The following RABGEF1 variants were observed in gnomAD, a reference collection of about 807,000 sequenced individuals.
RABGEF1 encodes RAB guanine nucleotide exchange factor 1, also known as rab5 GDP/GTP exchange factor.
RABGEF1 carries 26 observed loss-of-function variants against 57.3 expected under a neutral mutation model. That is an observed-to-expected ratio of 0.45 (90% confidence interval 0.33 to 0.63). The LOEUF is 0.63. Among genes scored for constraint, RABGEF1 ranks in the 20% least tolerant of loss-of-function variants. The pLI is 0.02. For synonymous variants in RABGEF1, 185 were observed against 210.7 expected (o/e 0.88, Z 1.06); for missense variants, 464 against 607.6 (o/e 0.76, Z 2.48).
At chr7:66,685,687 C>A (rs939693122) in intron 1 of RABGEF1, among the ~76,000 whole-genome samples, 1 of 152,116 alleles carries the variant, frequency 6.6e-6, no homozygotes, top group South Asian at 2.1e-4. Context: ...TCATTGATTT[C>A]TTTGATTTTT....
chr7:66,711,524 G>A (rs1794777717), intron 1 of RABGEF1, among the ~76,000 whole-genome samples: 1 of 151,272 alleles, frequency 6.6e-6, no homozygotes, highest in South Asian at 2.1e-4. Flanking sequence ...CCATTGAAAT[G>A]TCTTTGCAGT....
intron 3 of RABGEF1, 25 bp downstream of exon 3, chr7:66,775,418 T>A (rs768215007): frequency 6.2e-7 from 1 of 1,609,996 alleles, no homozygotes; most frequent in Admixed American, 1.7e-5. Flanking sequence ...CTCTTTTTTT[T>A]CTTCTCTGCC....
At chr7:66,748,137 C>T (rs1800654665) in intron 1 of RABGEF1, among the ~76,000 whole-genome samples, 1 of 152,162 alleles carries the variant, frequency 6.6e-6, no homozygotes, top group Admixed American at 6.5e-5. Flanking sequence ...GACTTTCCAG[C>T]ATGCGTTTCA....
At chr7:66,758,994 T>C (rs1803514162) in intron 1 of RABGEF1, among the ~76,000 whole-genome samples, 1 of 152,260 alleles carries the variant, frequency 6.6e-6, no homozygotes, top group Non-Finnish European at 1.5e-5. Context: ...GGTTACATGT[T>C]ACATAACTAT....
intron 1 of RABGEF1, among the ~76,000 whole-genome samples, chr7:66,682,486 C>G: frequency 6.6e-6 from 1 of 152,246 alleles, no homozygotes; most frequent in East Asian, 1.9e-4. Flanking sequence ...CCAACGTGCT[C>G]GTTGCCGGCA....
At chr7:66,702,632 A>G (rs1204117463) in intron 1 of RABGEF1, among the ~76,000 whole-genome samples, 1 of 152,134 alleles carries the variant, frequency 6.6e-6, no homozygotes, top group East Asian at 1.9e-4. Flanking sequence ...CAGACCCTCA[A>G]CAAAATTTAT....
At chr7:66,767,069 C>G (rs180693653) in intron 1 of RABGEF1, among the ~76,000 whole-genome samples, 2 of 139,562 alleles carry the variant, frequency 1.4e-5, no homozygotes, top group Admixed American at 1.6e-4. Context: ...ATGGCATGAT[C>G]TTGGCTCACT....
intron 2 of RABGEF1, among the ~76,000 whole-genome samples, chr7:66,715,462 A>C (rs1795283218): frequency 6.6e-6 from 1 of 152,148 alleles, no homozygotes; most frequent in African/African-American, 2.4e-5. Context: ...TTCATTACAT[A>C]AATTCCCCTT....
chr7:66,794,733 T>C (rs535354187), intron 4 of RABGEF1, among the ~76,000 whole-genome samples: 1 of 152,274 alleles, frequency 6.6e-6, no homozygotes, highest in East Asian at 1.9e-4. Context: ...TTTGGAAATG[T>C]ATGACAGAGA....
chr7:66,657,749 A>C, the RABGEF1 span, among the ~76,000 whole-genome samples: 13 of 152,198 alleles, frequency 8.5e-5, no homozygotes, highest in Admixed American at 8.5e-4. Context: ...TGAACCTGGG[A>C]GAGGGAGGTT....
At chr7:66,662,930 A>ATGTGCAGGTGTGCGTGTGCAGGCATGTG in the RABGEF1 span, among the ~76,000 whole-genome samples, 1 of 143,520 alleles carries the variant, frequency 7.0e-6, no homozygotes, top group Non-Finnish European at 1.5e-5. Flanking sequence ...GCAGGCATGC[A>ATGTGCAGGTGTGCGTGTGCAGGCATGTG]TGTGCAGGTG....
At chr7:66,778,271 TAGC>T (rs1234675467) in intron 3 of RABGEF1, among the ~76,000 whole-genome samples, 28 of 151,244 alleles carry the variant, frequency 1.9e-4, no homozygotes, top group African/African-American at 5.1e-4. Context: ...ATGCCATACG[TAGC>T]AGCTTGGTAG....
the RABGEF1 span, among the ~76,000 whole-genome samples, chr7:66,665,939 G>T: frequency 1.3e-5 from 2 of 152,222 alleles, no homozygotes; most frequent in Admixed American, 1.3e-4. Context: ...CGGACCAGGT[G>T]GAGGTCAAGG....
intron 1 of RABGEF1, among the ~76,000 whole-genome samples, chr7:66,686,777 G>C (rs1790697940): frequency 6.6e-6 from 1 of 151,946 alleles, no homozygotes; most frequent in Non-Finnish European, 1.5e-5. Flanking sequence ...GTGACTGTCA[G>C]TGGGATAGGA....
intron 1 of RABGEF1, among the ~76,000 whole-genome samples, chr7:66,751,362 C>T (rs1005656004): frequency 3.9e-5 from 6 of 152,086 alleles, no homozygotes; most frequent in African/African-American, 1.4e-4. Flanking sequence ...TAAAAACATA[C>T]CATTAAATAA....
At chr7:66,797,635 G>C in intron 6 of RABGEF1, 129 bp downstream of exon 6, 1 of 1,013,390 alleles carries the variant, frequency 9.9e-7, no homozygotes, top group Non-Finnish European at 1.4e-6. Flanking sequence ...CTTCCTTAGA[G>C]TGGAAGCAGC....
intron 2 of RABGEF1, among the ~76,000 whole-genome samples, chr7:66,775,008 G>T (rs982265996): frequency 6.6e-6 from 1 of 152,192 alleles, no homozygotes; most frequent in African/African-American, 2.4e-5. Flanking sequence ...TGTAACCCTA[G>T]AGCAGTAGCT....
chr7:66,705,110 G>A (rs1793817436), intron 1 of RABGEF1, among the ~76,000 whole-genome samples: 1 of 151,640 alleles, frequency 6.6e-6, no homozygotes, highest in Admixed American at 6.6e-5. Flanking sequence ...ATATGGAAAA[G>A]CAATAGATGG....
intron 2 of RABGEF1, among the ~76,000 whole-genome samples, chr7:66,774,455 A>G (rs924928267): frequency 2.6e-5 from 4 of 152,084 alleles, no homozygotes; most frequent in East Asian, 1.9e-4. Flanking sequence ...AAGATTCCCT[A>G]CCCTCTGGAG....
Sources: gnomAD v4.1 joint callset for allele counts (sites outside exome capture counted in the v4.1 genomes callset) on GRCh38, gnomAD v4.1.1 for gene constraint, MANE v1.5 for transcripts, NCBI Gene and HGNC (gene_info 2026-07-23, HGNC 2026-07-21) for gene names.